SMARCC1: variants seen among roughly 807,000 people sequenced by gnomAD.
SMARCC1 encodes the protein SWI/SNF complex subunit SMARCC1.
Under a neutral mutation model 147.4 loss-of-function variants are expected in SMARCC1, and 43 were observed. The ratio of observed to expected loss-of-function variants is 0.29; its 90% confidence interval spans 0.23 to 0.38. The LOEUF is 0.38. Among genes scored for constraint, SMARCC1 ranks in the 10% least tolerant of loss-of-function variants. The pLI, the probability that SMARCC1 is intolerant of heterozygous loss-of-function variation, is 1.00. For synonymous variants in SMARCC1, 495 were observed against 484.4 expected (o/e 1.02, Z -0.29); for missense variants, 1,119 against 1,381.1 (o/e 0.81, Z 3.01).
intron 3 of SMARCC1, among the ~76,000 whole-genome samples, chr3:47,743,899 C>G (rs992634427): frequency 6.6e-6 from 1 of 151,834 alleles, no homozygotes; most frequent in African/African-American, 2.4e-5. Flanking sequence ...AATCATATCA[C>G]TTTGGTATTC....
intron 2 of SMARCC1, among the ~76,000 whole-genome samples, chr3:47,762,326 A>T (rs1559666021): frequency 6.6e-6 from 1 of 152,194 alleles, no homozygotes; most frequent in Admixed American, 6.6e-5. Context: ...CGGTTTATTC[A>T]ATCAAATGAA....
intron 26 of SMARCC1, among the ~76,000 whole-genome samples, chr3:47,601,478 C>T (rs2032385216): frequency 6.6e-6 from 1 of 152,126 alleles, no homozygotes; most frequent in African/African-American, 2.4e-5. Flanking sequence ...AGGGGAAGCC[C>T]AGGCTCCTCA....
intron 26 of SMARCC1, among the ~76,000 whole-genome samples, chr3:47,594,108 T>C (rs2032229548): frequency 1.3e-5 from 2 of 149,356 alleles, no homozygotes; most frequent in Non-Finnish European, 1.5e-5. Context: ...GAGGTTGCAG[T>C]GAGCCAAGAT....
At chr3:47,663,718 C>T (rs1179514983) in intron 19 of SMARCC1, 2 of 1,502,330 alleles carry the variant, frequency 1.3e-6, no homozygotes, top group East Asian at 2.3e-5. Flanking sequence ...CAGAGAGTTT[C>T]AAGGAAAAGT....
chr3:47,772,178 G>A (rs180920168), intron 2 of SMARCC1, among the ~76,000 whole-genome samples: 146 of 152,222 alleles, frequency 9.6e-4, no homozygotes, highest in Middle Eastern at 3.4e-3. Flanking sequence ...TCGCCTTCCC[G>A]CCAAAAATTT....
intron 21 of SMARCC1, among the ~76,000 whole-genome samples, chr3:47,642,601 C>CAAT: frequency 6.6e-6 from 1 of 151,404 alleles, no homozygotes; most frequent in African/African-American, 2.4e-5. Context: ...AAAACAACAA[C>CAAT]AACAACAACA....
chr3:47,675,692 A>G (rs1363198585), intron 17 of SMARCC1, 104 bp from the exon 18 acceptor site: 2 of 615,780 alleles, frequency 3.2e-6, no homozygotes, highest in African/African-American at 3.7e-5. Flanking sequence ...TCACACCTAT[A>G]ATCCCAGCAC....
chr3:47,634,514 T>C (rs907451922), intron 24 of SMARCC1, among the ~76,000 whole-genome samples: 4 of 152,240 alleles, frequency 2.6e-5, no homozygotes, highest in Non-Finnish European at 5.9e-5. Context: ...CACTGTTTCT[T>C]GAAATGTGGT....
At chr3:47,655,468 G>A (rs1213247626) in intron 21 of SMARCC1, among the ~76,000 whole-genome samples, 3 of 151,840 alleles carry the variant, frequency 2.0e-5, no homozygotes, top group East Asian at 1.9e-4. Context: ...AGGCTGAGGC[G>A]GGCAGATCAC....
At chr3:47,598,170 G>C (rs1166108298) in intron 26 of SMARCC1, among the ~76,000 whole-genome samples, 2 of 151,958 alleles carry the variant, frequency 1.3e-5, no homozygotes, top group Non-Finnish European at 2.9e-5. Flanking sequence ...GCAATGCTTT[G>C]TTTTCCACAC....
rs1358126914 is a variant in SMARCC1, at chr3:47,710,713, A to G, written c.888T>C (p.Phe296=). The stretch of plus-strand genomic sequence containing the variant: ...CATTCTTGGTTGAAATCCGCTGACG[A>G]AAACTCACAGGCTTCCTATTTTCAT... The part of the protein sequence containing the change: ...EVDENRKPVS[F]RQRISTKNEE... Residue 296 remains phenylalanine (F), a synonymous_variant, in exon 9 of 28, where the codon TTT becomes TTC. Coordinates refer to ENST00000254480, the MANE Select transcript of SMARCC1 (RefSeq NM_003074.4). 11 of 1,613,766 alleles carry G rather than the reference A, an allele frequency of 6.8e-6. No individual in the cohort carries two copies. Among genetic ancestry groups the G allele is most frequent in the African/African-American group, 1.3e-5 (1 of 74,932 alleles).
At chr3:47,767,210 A>G (rs2034850741) in intron 2 of SMARCC1, among the ~76,000 whole-genome samples, 1 of 144,836 alleles carries the variant, frequency 6.9e-6, no homozygotes, top group South Asian at 2.2e-4. Flanking sequence ...AAAAAAAAAA[A>G]GGTTCCACTC....
At chr3:47,775,952 A>T (rs1360089046) in intron 1 of SMARCC1, among the ~76,000 whole-genome samples, 1 of 152,118 alleles carries the variant, frequency 6.6e-6, no homozygotes, top group Non-Finnish European at 1.5e-5. Flanking sequence ...GTTCAAGACC[A>T]GCCTGGCCAA....
intron 1 of SMARCC1, among the ~76,000 whole-genome samples, chr3:47,781,004 C>A (rs1330230397): frequency 6.6e-6 from 1 of 152,168 alleles, no homozygotes; most frequent in East Asian, 1.9e-4. Flanking sequence ...CTAATAAAAA[C>A]TGGGTTCTTG....
At chr3:47,621,298 CAA>C (rs1183934374) in intron 25 of SMARCC1, among the ~76,000 whole-genome samples, 3 of 63,188 alleles carry the variant, frequency 4.7e-5, no homozygotes, top group African/African-American at 1.0e-4. Flanking sequence ...GACTCCGTCT[CAA>C]AAAAAAAAAA....
intron 5 of SMARCC1, among the ~76,000 whole-genome samples, chr3:47,735,428 G>A (rs1194728051): frequency 6.6e-6 from 1 of 152,148 alleles, no homozygotes; most frequent in Non-Finnish European, 1.5e-5. Context: ...GGCGAGGCTG[G>A]AGGATGACTT....
chr3:47,613,111 G>A (rs1391311771), intron 25 of SMARCC1, among the ~76,000 whole-genome samples: 1 of 152,158 alleles, frequency 6.6e-6, no homozygotes, highest in African/African-American at 2.4e-5. Flanking sequence ...CTTAACCAAT[G>A]ACCCAGTGAT....
chr3:47,673,683 A>G (rs747983229), intron 18 of SMARCC1, among the ~76,000 whole-genome samples: 19 of 152,210 alleles, frequency 1.2e-4, no homozygotes, highest in Non-Finnish European at 2.4e-4. Flanking sequence ...GGGCAAACTC[A>G]GTCTCAAAAC....
At chr3:47,677,834 A>G (rs1341425354) in intron 16 of SMARCC1, among the ~76,000 whole-genome samples, 1 of 152,112 alleles carries the variant, frequency 6.6e-6, no homozygotes, top group Admixed American at 6.6e-5. Context: ...CACTGCACCC[A>G]GCCTAAATTA....
Sources: gnomAD v4.1 joint callset for allele counts (sites outside exome capture counted in the v4.1 genomes callset) on GRCh38, gnomAD v4.1.1 for gene constraint, MANE v1.5 for transcripts, NCBI Gene and HGNC (gene_info 2026-07-23, HGNC 2026-07-21) for gene names.